The following KIF16B variants were observed in gnomAD, a reference collection of about 807,000 sequenced individuals.
KIF16B encodes kinesin family member 16B.
Under a neutral mutation model 156.3 loss-of-function variants are expected in KIF16B, and 98 were observed. That is an observed-to-expected ratio of 0.63 (90% CI 0.53 to 0.74). The LOEUF is 0.74. Among genes scored for constraint, KIF16B ranks in the 30% least tolerant of loss-of-function variants. The pLI is 0.00. For synonymous variants in KIF16B, 564 were observed against 583.7 expected (o/e 0.97, Z 0.49); for missense variants, 1,421 against 1,606.5 (o/e 0.88, Z 1.97).
intron 15 of KIF16B, among the ~76,000 whole-genome samples, chr20:16,415,985 CAT>C (rs1322324736): frequency 2.6e-5 from 4 of 152,128 alleles, no homozygotes; most frequent in African/African-American, 7.2e-5. Flanking sequence ...GGCTTTTATT[CAT>C]ATGTTTCTTG....
chr20:16,328,395 C>T (rs1176617466), intron 24 of KIF16B, among the ~76,000 whole-genome samples: 1 of 152,214 alleles, frequency 6.6e-6, no homozygotes, highest in African/African-American at 2.4e-5. Flanking sequence ...GCAACATGAA[C>T]TGTTCCATGT....
At chr20:16,554,205 GT>G (rs200511898) in intron 1 of KIF16B, among the ~76,000 whole-genome samples, 2,438 of 152,210 alleles carry the variant, frequency 0.016, 34 homozygotes, top group Non-Finnish European at 0.026. Flanking sequence ...GGAACTTGTG[GT>G]TTTTTGCCGG....
chr20:16,508,249 T>C, intron 6 of KIF16B, 149 bp from the exon 7 acceptor site: 1 of 876,654 alleles, frequency 1.1e-6, no homozygotes, highest in Non-Finnish European at 1.7e-6. Flanking sequence ...TGGTATGTAA[T>C]GCAGACCTGG....
intron 24 of KIF16B, among the ~76,000 whole-genome samples, chr20:16,312,774 C>G (rs1416044943): frequency 1.0e-5 from 1 of 100,398 alleles, no homozygotes; most frequent in African/African-American, 4.8e-5. Flanking sequence ...GTCCTCCCAC[C>G]CTTTTTTTTT....
At chr20:16,524,011 T>A (rs2069444993) in intron 3 of KIF16B, among the ~76,000 whole-genome samples, 2 of 152,138 alleles carry the variant, frequency 1.3e-5, no homozygotes, top group Non-Finnish European at 2.9e-5. Flanking sequence ...TTACACCTTA[T>A]ACAAAATTAA....
intron 1 of KIF16B, among the ~76,000 whole-genome samples, chr20:16,566,648 G>A (rs2071267528): frequency 6.6e-6 from 1 of 152,078 alleles, no homozygotes. Flanking sequence ...AGAAACTGAG[G>A]CACAGACATG....
chr20:16,513,378 G>A (rs1248977748), intron 4 of KIF16B, among the ~76,000 whole-genome samples: 1 of 152,084 alleles, frequency 6.6e-6, no homozygotes, highest in Non-Finnish European at 1.5e-5. Context: ...ATCCATGCTG[G>A]CCGGGTGCGG....
chr20:16,401,709 A>G (rs2065660783), intron 17 of KIF16B, among the ~76,000 whole-genome samples: 1 of 152,090 alleles, frequency 6.6e-6, no homozygotes, highest in African/African-American at 2.4e-5. Context: ...CCCCCATCTC[A>G]GGGAAGAGTG....
At chr20:16,562,370 G>C (rs1332086728) in intron 1 of KIF16B, among the ~76,000 whole-genome samples, 1 of 152,174 alleles carries the variant, frequency 6.6e-6, no homozygotes, top group Admixed American at 6.5e-5. Flanking sequence ...ACACGGGAAA[G>C]AGCTGAAGCT....
At chr20:16,361,797 T>C (rs987730609) in intron 22 of KIF16B, among the ~76,000 whole-genome samples, 1 of 152,192 alleles carries the variant, frequency 6.6e-6, no homozygotes, top group African/African-American at 2.4e-5. Flanking sequence ...ACATTTCCAA[T>C]CCATGATTCT....
intron 12 of KIF16B, among the ~76,000 whole-genome samples, chr20:16,474,125 C>T (rs1269946885): frequency 6.6e-6 from 1 of 152,144 alleles, no homozygotes; most frequent in Non-Finnish European, 1.5e-5. Flanking sequence ...GGACTCTTAA[C>T]ATCTATGTGT....
chr20:16,526,999 A>G (rs905545871), intron 2 of KIF16B, among the ~76,000 whole-genome samples: 21 of 152,260 alleles, frequency 1.4e-4, no homozygotes, highest in African/African-American at 4.6e-4. Context: ...AGAGTAATCG[A>G]GGAAAATAGA....
Position 16,297,498 on chromosome 20 carries a change from CTGG to C in KIF16B, c.3795+14834_3795+14836del, listed in dbSNP as rs760952700. ...ACGAGGTCAGGAGATCAAGACCATT[CTGG>C]CTGGCTAACACGGTGAAACCCTATC... On this transcript the variant is annotated intron_variant, in intron 25 of 25. Coordinates refer to ENST00000354981, the MANE Select transcript of KIF16B (RefSeq NM_024704.5). Among the ~76,000 whole-genome samples, 16 of 152,182 alleles carry C rather than the reference CTGG, an allele frequency of 1.1e-4. 1 individual carries two copies. The highest frequency in any genetic ancestry group is 3.4e-3 in the Middle Eastern group (1 of 294).
intron 17 of KIF16B, among the ~76,000 whole-genome samples, chr20:16,399,062 G>T (rs567400245): frequency 6.6e-6 from 1 of 152,322 alleles, no homozygotes; most frequent in Non-Finnish European, 1.5e-5. Flanking sequence ...AAACAAGTTT[G>T]TTTGAGTAGG....
chr20:16,331,105 T>A (rs528817929), intron 24 of KIF16B, among the ~76,000 whole-genome samples: 1 of 152,198 alleles, frequency 6.6e-6, no homozygotes, highest in Non-Finnish European at 1.5e-5. Flanking sequence ...GAGTTGTGAG[T>A]CTGAATGCAT....
intron 12 of KIF16B, among the ~76,000 whole-genome samples, chr20:16,434,938 C>T (rs1190241403): frequency 6.6e-6 from 1 of 151,876 alleles, no homozygotes; most frequent in Non-Finnish European, 1.5e-5. Context: ...AGAGCACATG[C>T]CCAGTGTGGC....
At chr20:16,274,740 G>T (rs1172774094) in intron 25 of KIF16B, among the ~76,000 whole-genome samples, 1 of 152,198 alleles carries the variant, frequency 6.6e-6, no homozygotes, top group Non-Finnish European at 1.5e-5. Flanking sequence ...TGTCACATAG[G>T]GGTGCACAGG....
At chr20:16,409,673 G>A (rs2065870979) in intron 15 of KIF16B, among the ~76,000 whole-genome samples, 1 of 151,782 alleles carries the variant, frequency 6.6e-6, no homozygotes, top group South Asian at 2.1e-4. Context: ...ATATGTAGGA[G>A]ATAAAATCAA....
At chr20:16,294,856 G>C (rs1478364041) in intron 25 of KIF16B, among the ~76,000 whole-genome samples, 6 of 152,070 alleles carry the variant, frequency 3.9e-5, no homozygotes, top group Non-Finnish European at 8.8e-5. Context: ...TTTATCATGA[G>C]GGTGCCTCTG....
Sources: allele counts gnomAD v4.1 joint callset (sites outside exome capture counted in the v4.1 genomes callset), GRCh38; gene constraint gnomAD v4.1.1; transcripts MANE v1.5; gene names NCBI Gene and HGNC (gene_info 2026-07-23, HGNC 2026-07-21).